ARHGAP23: variants seen among roughly 807,000 people sequenced by gnomAD.
ARHGAP23 encodes Rho GTPase activating protein 23.
Under a neutral mutation model 136.3 loss-of-function variants are expected in ARHGAP23, and 34 were observed. That is an observed-to-expected ratio of 0.25 (90% CI 0.19 to 0.33). The LOEUF (loss-of-function observed/expected upper bound fraction) is 0.33. ARHGAP23 is among the 10% of genes least tolerant of loss of function. The probability of loss-of-function intolerance (pLI) is 1.00; values close to 1 mark genes in which losing one functional copy is unlikely to be tolerated. For missense variants in ARHGAP23, 1,808 were observed against 2,139.0 expected (o/e 0.85, Z 3.05); for synonymous variants, 832 against 920.5 (o/e 0.90, Z 1.74).
chr17:38,463,443 C>T, intron 6 of ARHGAP23, 61 bp downstream of exon 6: 5 of 1,535,376 alleles, frequency 3.3e-6, no homozygotes, highest in Non-Finnish European at 3.5e-6. Flanking sequence ...CACCGGCTCC[C>T]CTGGGAGGCA....
Position 38,480,221 on chromosome 17 carries a change from C to T in ARHGAP23, c.2629+338C>T, listed in dbSNP as rs1460450385. On this transcript the variant is annotated intron_variant, in intron 14 of 23. Coordinates refer to ENST00000622683, the MANE Select transcript of ARHGAP23 (RefSeq NM_001199417.2). Reference sequence around the variant, plus strand: ...TGGCTGTTAGAAAGTTCTTACCTGGCTGGGCAAGGTGGCTCACACGTGTAA... The same window carrying T: ...TGGCTGTTAGAAAGTTCTTACCTGGTTGGGCAAGGTGGCTCACACGTGTAA... 4.6e-5 allele frequency among the ~76,000 whole-genome samples: 7 copies of T among 152,312 alleles called. No homozygotes were observed. In the East Asian group the frequency reaches 1.4e-3, roughly 29 times the overall value.
chr17:38,424,178 T>A (rs947702541), upstream of ARHGAP23, among the ~76,000 whole-genome samples: 1 of 152,028 alleles, frequency 6.6e-6, no homozygotes, highest in Non-Finnish European at 1.5e-5. Context: ...TAAACCTGGG[T>A]TCCTCCTCTG....
chr17:38,479,232 C>T (rs2039972601), intron 12 of ARHGAP23, among the ~76,000 whole-genome samples: 1 of 152,142 alleles, frequency 6.6e-6, no homozygotes, highest in Admixed American at 6.5e-5. Context: ...ACCGAGGAGA[C>T]TGAGGCTCAG....
intron 1 of ARHGAP23, among the ~76,000 whole-genome samples, chr17:38,443,941 T>C (rs2038975751): frequency 6.6e-6 from 1 of 152,076 alleles, no homozygotes; most frequent in Non-Finnish European, 1.5e-5. Context: ...AGCTTTCCCC[T>C]AGTCTCCTCT....
At chr17:38,495,615 T>G (rs932138671) in intron 20 of ARHGAP23, among the ~76,000 whole-genome samples, 1 of 152,154 alleles carries the variant, frequency 6.6e-6, no homozygotes, top group African/African-American at 2.4e-5. Flanking sequence ...CTGTGCTGTT[T>G]GAGTTAATCA....
At chr17:38,440,658 T>C (rs2038900428) in intron 1 of ARHGAP23, among the ~76,000 whole-genome samples, 1 of 152,150 alleles carries the variant, frequency 6.6e-6, no homozygotes, top group Non-Finnish European at 1.5e-5. Context: ...TGAACAGTCC[T>C]AGAATGAAAG....
At chr17:38,464,818 C>A (rs1235624271) in intron 6 of ARHGAP23, among the ~76,000 whole-genome samples, 2 of 152,192 alleles carry the variant, frequency 1.3e-5, no homozygotes, top group East Asian at 3.9e-4. Flanking sequence ...CTGGGGGCCT[C>A]CACTGGCCCC....
Position 38,466,366 on chromosome 17 carries a change from C to T in ARHGAP23, c.683C>T (p.Pro228Leu), listed in dbSNP as rs192671655. ...DPRSPAAWSDPGLRVPPAARA... is the reference protein window; with the variant it reads ...DPRSPAAWSDLGLRVPPAARA... Reference sequence around the variant, plus strand: ...CGGAGTCCTGCTGCCTGGAGTGACCCGGGGCTCCGTGTGCCACCTGCTGCC... The same window carrying T: ...CGGAGTCCTGCTGCCTGGAGTGACCTGGGGCTCCGTGTGCCACCTGCTGCC... Residue 228 changes from proline (P) to leucine (L), a missense_variant, in exon 7 of 24, where the codon CCG (proline) becomes CTG (leucine). By Grantham distance (98) the Pro-to-Leu change is moderately conservative. Transcript: ENST00000622683. 550 of 1,538,290 alleles carry T rather than the reference C, an allele frequency of 3.6e-4. 3 individuals carry two copies. In the African/African-American group the frequency reaches 6.3e-3, roughly 18 times the overall value.
intron 20 of ARHGAP23, among the ~76,000 whole-genome samples, chr17:38,493,654 G>A (rs554983144): frequency 1.3e-5 from 2 of 152,342 alleles, no homozygotes; most frequent in South Asian, 4.1e-4. Flanking sequence ...ACCCAAGCGT[G>A]CCAGCTCTGT....
chr17:38,427,860 C>G (rs1255964292), upstream of ARHGAP23, among the ~76,000 whole-genome samples: 1 of 152,218 alleles, frequency 6.6e-6, no homozygotes, highest in Non-Finnish European at 1.5e-5. Flanking sequence ...ACCCCCTGCA[C>G]TAAATCTTCC....
chr17:38,488,055 C>T (rs1466817308), intron 17 of ARHGAP23, among the ~76,000 whole-genome samples: 1 of 151,860 alleles, frequency 6.6e-6, no homozygotes, highest in East Asian at 1.9e-4. Flanking sequence ...GTTTGTGCCA[C>T]CACACCCAGC....
At chr17:38,424,318 A>G (rs960220071), upstream of ARHGAP23, among the ~76,000 whole-genome samples, 1 of 151,658 alleles carries the variant, frequency 6.6e-6, no homozygotes. Flanking sequence ...ACCCAAACAG[A>G]CACCTGCCTT....
chr17:38,474,578 G>C (rs2039844726), intron 11 of ARHGAP23, among the ~76,000 whole-genome samples: 1 of 152,146 alleles, frequency 6.6e-6, no homozygotes, highest in African/African-American at 2.4e-5. Context: ...ATGTGAGTCT[G>C]AGGGCCCTGG....
At chr17:38,455,878 A>G (rs1017210613) in intron 1 of ARHGAP23, among the ~76,000 whole-genome samples, 2 of 152,194 alleles carry the variant, frequency 1.3e-5, no homozygotes, top group East Asian at 1.9e-4. Flanking sequence ...CCAGGCCCCC[A>G]TGGGGGTGCA....
At chr17:38,458,579 A>G (rs975294892) in intron 2 of ARHGAP23, among the ~76,000 whole-genome samples, 1 of 152,156 alleles carries the variant, frequency 6.6e-6, no homozygotes, top group African/African-American at 2.4e-5. Flanking sequence ...TGCTCACCTC[A>G]CACCCCCAGA....
intron 23 of ARHGAP23, among the ~76,000 whole-genome samples, chr17:38,502,346 C>T (rs2040540715): frequency 6.6e-6 from 1 of 152,182 alleles, no homozygotes; most frequent in Admixed American, 6.6e-5. Flanking sequence ...AAACACTTTC[C>T]AACTCATTTA....
intron 23 of ARHGAP23, among the ~76,000 whole-genome samples, chr17:38,507,199 G>A (rs776603844): frequency 1.3e-5 from 2 of 151,532 alleles, no homozygotes; most frequent in Non-Finnish European, 2.9e-5. Flanking sequence ...GCTTGAACCC[G>A]GGAAGCAGAG....
chr17:38,433,825 G>T (rs1198592841), intron 1 of ARHGAP23, among the ~76,000 whole-genome samples: 1 of 152,130 alleles, frequency 6.6e-6, no homozygotes, highest in Non-Finnish European at 1.5e-5. Flanking sequence ...GAAAATGTGG[G>T]ATTGTATTCT....
At chr17:38,426,339 G>A (rs1347482678), upstream of ARHGAP23, among the ~76,000 whole-genome samples, 4 of 151,856 alleles carry the variant, frequency 2.6e-5, no homozygotes, top group South Asian at 2.1e-4. Flanking sequence ...TCAAGAGATC[G>A]AGACCATCCT....
Sources: gnomAD v4.1 joint callset for allele counts (sites outside exome capture counted in the v4.1 genomes callset) on GRCh38, gnomAD v4.1.1 for gene constraint, MANE v1.5 for transcripts, NCBI Gene and HGNC (gene_info 2026-07-23, HGNC 2026-07-21) for gene names.